Variants in ELOF1 observed in about 807,000 individuals in gnomAD.
ELOF1 encodes elongation factor 1, also known as transcription elongation factor 1 homolog.
ELOF1 carries 4 observed loss-of-function variants against 7.1 expected under a neutral mutation model. The observed-to-expected ratio is 0.56, with a 90% confidence interval of 0.28 to 1.29. The LOEUF is 1.29. ELOF1 is among the 50% of genes most tolerant of loss of function. ELOF1 has a pLI of 0.10. For synonymous variants in ELOF1, 31 were observed against 31.9 expected, an observed-to-expected ratio of 0.97 and a Z score of 0.09; for missense variants, 59 against 86.3, an observed-to-expected ratio of 0.68 and a Z score of 1.25.
exon 3 of ELOF1, chr19:11,554,048 A>G (rs770969300): frequency 1.2e-6 from 2 of 1,614,196 alleles, no homozygotes; most frequent in South Asian, 1.1e-5. Flanking sequence ...GGCACACGGT[A>G]CAAGAGATGA....
chr19:11,554,639 C>A, intron 1 of ELOF1: 1 of 486,560 alleles, frequency 2.1e-6, no homozygotes, highest in Non-Finnish European at 3.6e-6. Flanking sequence ...GTTTCCTCGT[C>A]TATAAAACAG....
At chr19:11,556,833 C>G (rs1972841333) in intron 1 of ELOF1, among the ~76,000 whole-genome samples, 1 of 152,206 alleles carries the variant, frequency 6.6e-6, no homozygotes, top group South Asian at 2.1e-4. Context: ...GTGTGCACCA[C>G]CATGCCCAGC....
In ELOF1 at chr19:11,553,796, C is replaced by T. The variant is rs2145054955; in HGVS notation, c.187+215G>A. 4 of 1,614,188 alleles carry T rather than the reference C, an allele frequency of 2.5e-6. No individual in the cohort carries two copies. The South Asian group carries it at 3.3e-5, about 13-fold the overall frequency. On this transcript the variant is annotated intron_variant, in intron 3 of 3. Transcript: ENST00000586683. ...TCTATCCAATCACTGTACACATCCA[C>T]GGGTTCTGACAGATCTGGGCCACTT...
At chr19:11,553,077 G>A (rs535489486) in intron 3 of ELOF1, 26 of 399,960 alleles carry the variant, frequency 6.5e-5, no homozygotes, top group Non-Finnish European at 9.7e-5. Context: ...AAGGGCTTGT[G>A]ATTGACAGCT....
intron 1 of ELOF1, 169 bp from the exon 2 acceptor site, chr19:11,554,534 C>T (rs904398800): frequency 1.0e-6 from 1 of 963,594 alleles, no homozygotes. Flanking sequence ...AATTCCCTGT[C>T]CCACTCTGGA....
chr19:11,555,134 G>A (rs779155572), intron 1 of ELOF1: 38 of 244,532 alleles, frequency 1.6e-4, no homozygotes, highest in Non-Finnish European at 2.1e-4. Flanking sequence ...GCAGGCACCC[G>A]TAACCCCAGC....
chr19:11,553,498 A>G (rs1016644822), intron 3 of ELOF1: 3 of 606,618 alleles, frequency 4.9e-6, no homozygotes, highest in South Asian at 3.9e-5. Flanking sequence ...CGTACCTGTG[A>G]GCACACACTC....
intron 1 of ELOF1, among the ~76,000 whole-genome samples, chr19:11,556,155 G>A (rs550475278): frequency 7.9e-5 from 12 of 152,168 alleles, no homozygotes; most frequent in Admixed American, 2.0e-4. Context: ...CTCCTATGGC[G>A]CCTCCTCCAA....
At chr19:11,553,976 C>T in intron 3 of ELOF1, 35 bp downstream of exon 3, 1 of 1,614,078 alleles carries the variant, frequency 6.2e-7, no homozygotes, top group South Asian at 1.1e-5. Context: ...GCCCCCTCCC[C>T]ACCCTCTGGA....
rs546083603 is a variant in ELOF1 at position 11,557,973 on chromosome 19, C to A, written c.-19+1218G>T. ...GCTTCATGCCTACTCTACACTGAGG[C>A]CACCTGCTTCTCCAGCCTTGAGTCT... On this transcript the variant is annotated intron_variant, in intron 1 of 3. Transcript: ENST00000586683. 1.2e-4 allele frequency among the ~76,000 whole-genome samples: 18 copies of A among 152,282 alleles called. No individual in the cohort carries two copies. In the East Asian group the frequency reaches 3.5e-3, roughly 29 times the overall value.
intron 1 of ELOF1, among the ~76,000 whole-genome samples, chr19:11,558,751 A>C (rs556327852): frequency 6.8e-4 from 103 of 151,778 alleles, no homozygotes; most frequent in African/African-American, 2.4e-3. Flanking sequence ...AAGTCCAAAC[A>C]AAATCTACGG....
At chr19:11,557,049 C>G (rs1972843982) in intron 1 of ELOF1, among the ~76,000 whole-genome samples, 1 of 152,180 alleles carries the variant, frequency 6.6e-6, no homozygotes, top group Non-Finnish European at 1.5e-5. Context: ...ATCCTTTTCT[C>G]TGCAGGCTGT....
intron 1 of ELOF1, 87 bp from the exon 2 acceptor site, chr19:11,554,452 C>A: frequency 6.6e-7 from 1 of 1,526,042 alleles, no homozygotes; most frequent in South Asian, 1.3e-5. Context: ...GAAAGAGGGT[C>A]TGGGACTTGC....
intron 3 of ELOF1, 37 bp downstream of exon 3, chr19:11,553,974 C>T (rs1228196778): frequency 2.5e-6 from 4 of 1,614,044 alleles, no homozygotes; most frequent in South Asian, 1.1e-5. Context: ...CAGCCCCCTC[C>T]CCACCCTCTG....
Position 11,554,197 on chromosome 19 carries a change from G to A in ELOF1, c.116+35C>T, listed in dbSNP as rs1047764976. 3 of 1,613,022 alleles carry A rather than the reference G, an allele frequency of 1.9e-6. No homozygotes were observed. The African/African-American group carries it at 4.0e-5, about 22-fold the overall frequency. Reference sequence around the variant, plus strand: ...GGAGAACAGCGGGGAAGAGGCAGTGGGGAGGCTGGATCCCTTGCCCTGTTC... The same window carrying A: ...GGAGAACAGCGGGGAAGAGGCAGTGAGGAGGCTGGATCCCTTGCCCTGTTC... On this transcript the variant is annotated intron_variant, in intron 2 of 3. Transcript: ENST00000586683.
At chr19:11,557,224 C>CT in intron 1 of ELOF1, among the ~76,000 whole-genome samples, 1 of 152,266 alleles carries the variant, frequency 6.6e-6, no homozygotes, top group Admixed American at 6.5e-5. Flanking sequence ...CATGTGCTCC[C>CT]TGTCCTCTGC....
At chr19:11,553,500 C>G (rs1568420481) in intron 3 of ELOF1, 1 of 608,338 alleles carries the variant, frequency 1.6e-6, no homozygotes, top group Non-Finnish European at 2.9e-6. Flanking sequence ...TACCTGTGAG[C>G]ACACACTCAC....
intron 1 of ELOF1, among the ~76,000 whole-genome samples, chr19:11,558,344 G>T (rs1437073027): frequency 1.3e-5 from 2 of 151,934 alleles, no homozygotes; most frequent in Non-Finnish European, 2.9e-5. Context: ...TGGAACTCCT[G>T]GGCTCAAGAG....
At chr19:11,554,521 G>T (rs1972799288) in intron 1 of ELOF1, 156 bp from the exon 2 acceptor site, 5 of 1,073,616 alleles carry the variant, frequency 4.7e-6, no homozygotes, top group Admixed American at 5.8e-5. Flanking sequence ...GATGCAGGAG[G>T]ACAATTCCCT....
Sources: gnomAD v4.1 joint callset for allele counts (sites outside exome capture counted in the v4.1 genomes callset) on GRCh38, gnomAD v4.1.1 for gene constraint, MANE v1.5 for transcripts, NCBI Gene and HGNC (gene_info 2026-07-23, HGNC 2026-07-21) for gene names.